TELO2: variants seen among roughly 807,000 people sequenced by gnomAD.
The protein encoded by TELO2 is telomere length regulation protein TEL2 homolog.
A neutral mutation model predicts 91.0 loss-of-function variants in TELO2; 71 were observed. That is an observed-to-expected ratio of 0.78 (90% CI 0.64 to 0.95). The LOEUF is 0.95. Ranked by LOEUF, TELO2 falls within the 40% of genes least tolerant of loss-of-function variation. The pLI is 0.00. For synonymous variants in TELO2, 584 were observed against 518.9 expected, an observed-to-expected ratio of 1.13 and a Z score of -1.71; for missense variants, 1,183 against 1,141.3, an observed-to-expected ratio of 1.04 and a Z score of -0.53.
intron 15 of TELO2, among the ~76,000 whole-genome samples, chr16:1,504,618 C>T (rs796619108): frequency 2.5e-5 from 3 of 118,494 alleles, no homozygotes; most frequent in East Asian, 2.7e-4. Context: ...AGTGCAGTGG[C>T]GCGATCTTGA....
In TELO2 at chr16:1,506,936, C is replaced by T. The variant is rs755300404; in HGVS notation, c.2127-16C>T. 3.1e-6 allele frequency: 5 copies of T among 1,599,658 alleles called. No homozygotes were observed. In the Admixed American group the frequency reaches 5.1e-5, roughly 16 times the overall value. On this transcript the variant is annotated splice_polypyrimidine_tract_variant and intron_variant, in intron 17 of 20. Coordinates refer to ENST00000262319, the MANE Select transcript of TELO2 (RefSeq NM_016111.4). ...TGAGGCACCCGCTGCACCTTGGGCT[C>T]CATCCTGTGCTCTAGGCCTCTGGTG...
rs1184460086 is a variant in TELO2 at position 1,505,324 on chromosome 16, C to G, written c.1843-86C>G. ...CCCAGGCTGGGCGGGCCCCCGGGCC[C>G]GTTTCTGGGGCTTTGGCTGACTTGA... On this transcript the variant is annotated intron_variant, in intron 15 of 20. Transcript: ENST00000262319. This position sits in a 1 kb window ranked among gnomAD's most constrained non-coding sequence, Gnocchi z 4.3. The G allele has an allele frequency of 1.1e-5, 17 of 1,492,536 alleles. No homozygotes were observed. In the Admixed American group the frequency reaches 3.5e-4, roughly 30 times the overall value. 92.5% of individuals were successfully genotyped at this position (1,492,536 alleles called of 1,614,324 possible). A position where few individuals can be genotyped will look rare whatever the true frequency, so the allele number is the denominator to read the frequency against.
Position 1,505,624 on chromosome 16 carries a change from C to T in TELO2, c.2034+23C>T. On this transcript the variant is annotated intron_variant, in intron 16 of 20. Transcript: ENST00000262319. The surrounding 1 kb of genome is among the most constrained non-coding windows in gnomAD (Gnocchi z 4.3). ...AAGGTTAGTGGCGCCTGGTCAGCTC[C>T]TCACGGGCATGGGGACCGTGGGTGG... is the stretch of plus-strand genomic sequence containing the variant. The T allele has an allele frequency of 6.3e-7, 1 of 1,593,910 alleles. No individual in the cohort carries two copies. Among genetic ancestry groups the T allele is most frequent in the Non-Finnish European group, 8.6e-7 (1 of 1,167,354 alleles).
intron 3 of TELO2, among the ~76,000 whole-genome samples, chr16:1,496,184 C>T (rs1275348366): frequency 6.6e-6 from 1 of 152,234 alleles, no homozygotes; most frequent in African/African-American, 2.4e-5. Context: ...GCAGGTCGAG[C>T]ACCTGGGTCC....
Position 1,510,011 on chromosome 16 carries a change from G to C in TELO2, c.*75G>C. On this transcript the variant is annotated 3_prime_UTR_variant, in exon 21 of 21. Coordinates refer to ENST00000262319, the MANE Select transcript of TELO2 (RefSeq NM_016111.4). ...CTGAGCAGCGGCCTGGAGCAGCAGA[G>C]CCAGGCTTTGTAGCGAGGCCAGGTC... The C allele has an allele frequency of 7.4e-7, 1 of 1,356,904 alleles. No homozygotes were observed. Among genetic ancestry groups the C allele is most frequent in the Non-Finnish European group, 1.0e-6 (1 of 980,974 alleles). The allele number at this position is 1,356,904 out of a possible 1,614,324, so 84.1% of individuals were successfully genotyped here. A position where few individuals can be genotyped will look rare whatever the true frequency, so the allele number is the denominator to read the frequency against.
Position 1,495,559 on chromosome 16 carries a change from C to A in TELO2, c.549C>A (p.Asn183Lys). ...ACTTGGCCGAGTTCTTCCCCCAGAACTACTTCCGCCTGCTCGGCGAGGAGG... is the reference window on the plus strand; with the variant it reads ...ACTTGGCCGAGTTCTTCCCCCAGAAATACTTCCGCCTGCTCGGCGAGGAGG... ...QENLAEFFPQ[N>K]YFRLLGEEVV... is the part of the protein sequence containing the mutation. The change falls in exon 3 of 21, where the codon AAC becomes AAA. Residue 183 changes from asparagine (N) to lysine (K), a missense_variant. Coordinates refer to ENST00000262319, the MANE Select transcript of TELO2 (RefSeq NM_016111.4). 6.2e-7 allele frequency: 1 copy of A among 1,610,996 alleles called. No individual in the cohort carries two copies. Among genetic ancestry groups the A allele is most frequent in the Non-Finnish European group, 8.5e-7 (1 of 1,178,944 alleles).
rs776975166 is a variant in TELO2, at chr16:1,500,465, C to T, written c.1121C>T (p.Pro374Leu). The change falls in exon 8 of 21, where the codon CCG becomes CTG. Residue 374 changes from proline (P) to leucine (L), a missense_variant. Coordinates refer to ENST00000262319, the MANE Select transcript of TELO2 (RefSeq NM_016111.4). ...VLICLAQLGE[P>L]ELRDSRDELL... is the part of the protein sequence containing the mutation. ...ATCTGCCTGGCGCAACTCGGGGAGCCGGAACTGCGGGACAGCCGGGATGGT... is the reference window on the plus strand; with the variant it reads ...ATCTGCCTGGCGCAACTCGGGGAGCTGGAACTGCGGGACAGCCGGGATGGT... 2.4e-5 allele frequency: 38 copies of T among 1,610,700 alleles called. No individual in the cohort carries two copies. The highest frequency in any genetic ancestry group is 2.3e-4 in the African/African-American group (17 of 74,916).
chr16:1,498,217 G>C (rs2039560962), intron 5 of TELO2, among the ~76,000 whole-genome samples: 1 of 152,086 alleles, frequency 6.6e-6, no homozygotes, highest in Non-Finnish European at 1.5e-5. Flanking sequence ...GTTTTGCCAT[G>C]TTGGCCAGGC....
At chr16:1,502,881 G>A (rs770945334) in intron 14 of TELO2, 50 bp from the exon 15 acceptor site, 14 of 1,605,760 alleles carry the variant, frequency 8.7e-6, no homozygotes, top group African/African-American at 2.7e-5. Flanking sequence ...AGGTCGCCCC[G>A]GGTGGCCCTC....
Position 1,509,893 on chromosome 16 carries a change from T to G in TELO2, c.2471T>G (p.Leu824Arg). 6.2e-7 allele frequency: 1 copy of G among 1,611,572 alleles called. No homozygotes were observed. The highest frequency in any genetic ancestry group is 8.5e-7 in the Non-Finnish European group (1 of 1,179,288). Reference protein sequence around the residue: ...RTLALRALLLLQRLKNRLLPP... With the variant: ...RTLALRALLLRQRLKNRLLPP... ...CTGGCACTGAGGGCCCTGCTGCTTCTGCAGAGACTCAAGAACAGGCTCCTC... is the reference window on the plus strand; with the variant it reads ...CTGGCACTGAGGGCCCTGCTGCTTCGGCAGAGACTCAAGAACAGGCTCCTC... The change falls in exon 21 of 21, where the codon CTG becomes CGG. Residue 824 changes from leucine (L) to arginine (R), a missense_variant. Coordinates refer to ENST00000262319, the MANE Select transcript of TELO2 (RefSeq NM_016111.4).
chr16:1,502,519 C>G lies in TELO2; in HGVS notation c.1653+115C>G, dbSNP rs1346630718. The G allele has an allele frequency of 1.6e-5, 24 of 1,501,126 alleles. No individual in the cohort carries two copies. The Admixed American group carries it at 4.5e-4, about 28-fold the overall frequency. The allele number at this position is 1,501,126 out of a possible 1,614,324, so 93.0% of individuals were successfully genotyped here. ...CTCCCGTGTGTGACAGGGCTGCTGCCTCTCCCGGGGGGCCTGCGGCCTGGG... is the reference window on the plus strand; with the variant it reads ...CTCCCGTGTGTGACAGGGCTGCTGCGTCTCCCGGGGGGCCTGCGGCCTGGG... On this transcript the variant is annotated intron_variant, in intron 13 of 20. Coordinates refer to ENST00000262319, the MANE Select transcript of TELO2 (RefSeq NM_016111.4).
In TELO2 at chr16:1,502,726, G is replaced by A; in HGVS notation, c.1735G>A (p.Ala579Thr). 1 of 1,612,500 alleles carries A rather than the reference G, an allele frequency of 6.2e-7. No homozygotes were observed. Among genetic ancestry groups the A allele is most frequent in the Non-Finnish European group, 8.5e-7 (1 of 1,179,874 alleles). Residue 579 changes from alanine to threonine, a missense_variant, in exon 14 of 21, where the codon GCC (alanine) becomes ACC (threonine). Transcript: ENST00000262319. ...GGGATTTGCAGGGCTGCGCCAGAGA[G>A]CCCTGGTGGCCGTCACGGTCACAGA... ...VVGFAGLRQRALVAVTVTDPA... is the reference protein window; with the variant it reads ...VVGFAGLRQRTLVAVTVTDPA...
At chr16:1,502,182 C>T (rs556959566) in intron 12 of TELO2, 47 bp downstream of exon 12, 19 of 1,607,090 alleles carry the variant, frequency 1.2e-5, no homozygotes, top group South Asian at 5.5e-5. Flanking sequence ...GCATGGGTCC[C>T]GCTCACAGCC....
rs553571826 is a variant in TELO2 at position 1,509,059 on chromosome 16, C to T, written c.2408-771C>T. Reference sequence around the variant, plus strand: ...GGTTCCCCTTTGGCCAGTGGAGCCACTGATGGGGCTGGGTGGGCGGGCACA... The same window carrying T: ...GGTTCCCCTTTGGCCAGTGGAGCCATTGATGGGGCTGGGTGGGCGGGCACA... On this transcript the variant is annotated intron_variant, in intron 20 of 20. Coordinates refer to ENST00000262319, the MANE Select transcript of TELO2 (RefSeq NM_016111.4). Among the ~76,000 whole-genome samples, 23 of 141,578 alleles carry T rather than the reference C, an allele frequency of 1.6e-4. No homozygotes were observed. In the East Asian group the frequency reaches 4.7e-3, roughly 29 times the overall value. 92.9% of individuals were successfully genotyped at this position (141,578 alleles called of 152,430 possible).
Position 1,501,557 on chromosome 16 carries a change from C to T in TELO2, c.1361+58C>T, listed in dbSNP as rs57600450. ...GTGCACATCTTACTGCTCTGGATTC[C>T]GCTGCCGGGATGGGAGGGGGGAAAC... On this transcript the variant is annotated intron_variant, in intron 10 of 20. Coordinates refer to ENST00000262319, the MANE Select transcript of TELO2 (RefSeq NM_016111.4). The T allele has an allele frequency of 7.1e-4, 1,117 of 1,569,860 alleles. 10 individuals are homozygous for T. In the African/African-American group the frequency reaches 0.011, roughly 16 times the overall value.
At position 1,502,692 on chromosome 16, in the gene TELO2, C is replaced by A. The variant is rs149485351; in HGVS notation, c.1701C>A (p.Thr567=). The change falls in exon 14 of 21, where the codon ACC becomes ACA. Residue 567 remains threonine (T), a synonymous_variant. Transcript: ENST00000262319. The part of the protein sequence containing the change: ...AKVLLHLEEK[T]CVVGFAGLRQ... The stretch of plus-strand genomic sequence containing the variant: ...TGCTTCTGCATCTGGAGGAGAAGAC[C>A]TGTGTGGTGGGATTTGCAGGGCTGC... The A allele has an allele frequency of 9.4e-5, 151 of 1,612,788 alleles. No individual in the cohort carries two copies. The African/African-American group carries it at 1.9e-3, about 20-fold the overall frequency.
At chr16:1,504,551 CTTTTTTTTTT>C (rs1169712120) in intron 15 of TELO2, among the ~76,000 whole-genome samples, 1 of 79,362 alleles carries the variant, frequency 1.3e-5, no homozygotes, top group African/African-American at 5.4e-5. Flanking sequence ...CGTAACTGGT[CTTTTTTTTTT>C]TTTTTTTTTT....
chr16:1,508,528 G>A (rs1332790158), intron 20 of TELO2, among the ~76,000 whole-genome samples: 1 of 152,220 alleles, frequency 6.6e-6, no homozygotes, highest in Non-Finnish European at 1.5e-5. Context: ...CGGTTTCCAC[G>A]TTTGTCAGGA....
At position 1,493,668 on chromosome 16, in the gene TELO2, C is replaced by T. The variant is rs1167167093; in HGVS notation, c.-37+63C>T. On this transcript the variant is annotated intron_variant, in intron 1 of 20. Transcript: ENST00000262319. The surrounding 1 kb of genome is among the most constrained non-coding windows in gnomAD (Gnocchi z 4.3). ...GGTTGGGTCGGGTTGGGCTCCAGGT[C>T]TGGTTGGGTCGGGTCCAGGTCGGGT... is the stretch of plus-strand genomic sequence containing the variant. 7 of 152,838 alleles carry T rather than the reference C, an allele frequency of 4.6e-5. No homozygotes were observed. The highest frequency in any genetic ancestry group is 1.4e-4 in the African/African-American group (6 of 41,390). The allele number at this position is 152,838 out of a possible 1,614,324, so 9.5% of individuals were successfully genotyped here. A position where few individuals can be genotyped will look rare whatever the true frequency, so the allele number is the denominator to read the frequency against.
Sources: gnomAD v4.1 joint callset for allele counts (sites outside exome capture counted in the v4.1 genomes callset) on GRCh38, gnomAD v4.1.1 for gene constraint, Gnocchi (gnomAD v3.1) non-coding constraint, MANE v1.5 for transcripts, NCBI Gene and HGNC (gene_info 2026-07-23, HGNC 2026-07-21) for gene names.